Variants in MAOB observed in about 807,000 individuals in gnomAD.
MAOB encodes monoamine oxidase B, also known as amine oxidase [flavin-containing] B.
Under a neutral mutation model 41.9 loss-of-function variants are expected in MAOB, and 15 were observed. The ratio of observed to expected loss-of-function variants is 0.36; its 90% confidence interval spans 0.24 to 0.55. The LOEUF is 0.55. MAOB is among the 20% of genes least tolerant of loss of function. The pLI is 0.86. For missense variants in MAOB, 345 were observed against 398.7 expected (o/e 0.87, Z 1.15); for synonymous variants, 167 against 144.2 (o/e 1.16, Z -1.13).
chrX:43,821,320 C>T (rs1457412544), intron 3 of MAOB, among the ~76,000 whole-genome samples: 1 of 111,168 alleles, frequency 9.0e-6, no homozygotes, highest in African/African-American at 3.3e-5. Context: ...CGTTTAATTG[C>T]ATTTTCTAGC....
At chrX:43,853,961 T>C (rs186233889) in intron 1 of MAOB, among the ~76,000 whole-genome samples, 1 of 112,721 alleles carries the variant, frequency 8.9e-6, no homozygotes, top group African/African-American at 3.2e-5. Flanking sequence ...CCAACTAATA[T>C]ACATGGGAAA....
At chrX:43,836,114 A>G (rs1052505854) in intron 3 of MAOB, among the ~76,000 whole-genome samples, 4 of 111,984 alleles carry the variant, frequency 3.6e-5, no homozygotes, top group African/African-American at 1.3e-4. Flanking sequence ...GACAGTAGTT[A>G]TTAAAATAGG....
chrX:43,847,135 G>A (rs1233763571), intron 1 of MAOB, among the ~76,000 whole-genome samples: 1 of 111,917 alleles, frequency 8.9e-6, no homozygotes, highest in Middle Eastern at 4.2e-3. Context: ...CCTGAGGTCA[G>A]GAGTTCAAGA....
intron 1 of MAOB, among the ~76,000 whole-genome samples, chrX:43,856,635 TATATGTA>T (rs1402721455): frequency 8.9e-6 from 1 of 111,792 alleles, no homozygotes; most frequent in Non-Finnish European, 1.9e-5. Flanking sequence ...CTTTGTATGA[TATATGTA>T]TTATATACTG....
intron 2 of MAOB, 55 bp from the exon 3 acceptor site, chrX:43,839,060 C>G: frequency 1.1e-6 from 1 of 913,954 alleles, no homozygotes. Context: ...TATAAAATAA[C>G]AAAAGACAGT....
intron 3 of MAOB, among the ~76,000 whole-genome samples, chrX:43,810,242 CAAAAAAAAA>C (rs143045804): frequency 8.0e-5 from 3 of 37,683 alleles, no homozygotes; most frequent in African/African-American, 1.5e-4. Context: ...GACTCTGTCT[CAAAAAAAAA>C]AAAAAAAAAA....
At chrX:43,848,617 A>G (rs971098847) in intron 1 of MAOB, among the ~76,000 whole-genome samples, 12 of 111,652 alleles carry the variant, frequency 1.1e-4, no homozygotes, top group Non-Finnish European at 2.1e-4. Context: ...CAGTGGCGCA[A>G]TCTTGGCTCA....
At chrX:43,822,380 C>T (rs1338886594) in intron 3 of MAOB, among the ~76,000 whole-genome samples, 3 of 112,090 alleles carry the variant, frequency 2.7e-5, no homozygotes, top group Non-Finnish European at 5.6e-5. Context: ...ACATTAATCC[C>T]TAGTGTAGAA....
chrX:43,861,354 G>T (rs771677586), intron 1 of MAOB, among the ~76,000 whole-genome samples: 6 of 112,676 alleles, frequency 5.3e-5, no homozygotes, highest in African/African-American at 1.9e-4. Context: ...TATCAAAAAC[G>T]TATTTTAATG....
At chrX:43,867,633 T>C (rs1285964067) in intron 1 of MAOB, among the ~76,000 whole-genome samples, 7 of 112,365 alleles carry the variant, frequency 6.2e-5, no homozygotes, top group African/African-American at 2.3e-4. Flanking sequence ...GACCACCTTA[T>C]AGGAACGCTG....
chrX:43,878,037 C>T (rs1462564386), intron 1 of MAOB, among the ~76,000 whole-genome samples: 1 of 111,996 alleles, frequency 8.9e-6, no homozygotes, highest in African/African-American at 3.2e-5. Context: ...ACCTATAAGC[C>T]AAAGCCGAAG....
At chrX:43,804,182 C>A (rs2034633610) in intron 3 of MAOB, among the ~76,000 whole-genome samples, 1 of 111,626 alleles carries the variant, frequency 9.0e-6, no homozygotes, top group African/African-American at 3.3e-5. Flanking sequence ...TAGCATCTTT[C>A]AACGGAATCA....
intron 1 of MAOB, chrX:43,844,073 C>T: frequency 6.4e-6 from 2 of 310,986 alleles, no homozygotes; most frequent in East Asian, 1.1e-4. Flanking sequence ...AGGCCATGCT[C>T]AAGAGAAATA....
rs775242148 is a variant in MAOB at position 43,820,359 on chromosome X, C to G, written c.280-16955G>C. Among the ~76,000 whole-genome samples the G allele has an allele frequency of 5.4e-5, 6 of 111,727 alleles. No homozygotes were observed. In the South Asian group the frequency reaches 2.2e-3, roughly 42 times the overall value. ...ACAGACAAAAATATTTAAAAAAGTG[C>G]TTGTTTAAATAGCTGTTATTAAAGA... On this transcript the variant is annotated intron_variant, in intron 3 of 14. Coordinates refer to ENST00000378069, the MANE Select transcript of MAOB (RefSeq NM_000898.5).
At chrX:43,769,997 G>T (rs1014271462) in intron 12 of MAOB, among the ~76,000 whole-genome samples, 4 of 111,453 alleles carry the variant, frequency 3.6e-5, no homozygotes, top group African/African-American at 1.3e-4. Context: ...CCATTTTGCA[G>T]ATAAGAATAT....
rs2034623857 is a variant in MAOB at position 43,803,488 on chromosome X, A to G, written c.280-84T>C. On this transcript the variant is annotated intron_variant, in intron 3 of 14. Transcript: ENST00000378069. ...TCTGCCAAATTGGTAAATGTCTGCA[A>G]GCAAAATTATGTGAGTTATCAATAT... 1.1e-5 allele frequency: 12 copies of G among 1,099,175 alleles called. No individual in the cohort carries two copies. In the South Asian group the frequency reaches 2.7e-4, roughly 24 times the overall value. 90.6% of individuals were successfully genotyped at this position (1,099,175 alleles called of 1,213,427 possible).
chrX:43,785,080 G>A (rs141892222), intron 8 of MAOB, among the ~76,000 whole-genome samples: 198 of 112,946 alleles, frequency 1.8e-3, no homozygotes, highest in African/African-American at 6.1e-3. Context: ...CCAGGGAGCC[G>A]GAAGTTGCCG....
At chrX:43,835,669 A>G (rs1468597835) in intron 3 of MAOB, among the ~76,000 whole-genome samples, 5 of 111,967 alleles carry the variant, frequency 4.5e-5, no homozygotes, top group Admixed American at 9.5e-5. Context: ...AAAGATGCCT[A>G]TTATGGAGCT....
chrX:43,784,869 C>A (rs917058063), intron 8 of MAOB, among the ~76,000 whole-genome samples: 1 of 112,227 alleles, frequency 8.9e-6, no homozygotes, highest in Non-Finnish European at 1.9e-5. Flanking sequence ...TGTTTCCGGT[C>A]GGGTGTGGTG....
Sources: allele counts gnomAD v4.1 joint callset (sites outside exome capture counted in the v4.1 genomes callset), GRCh38; gene constraint gnomAD v4.1.1; transcripts MANE v1.5; gene names NCBI Gene and HGNC (gene_info 2026-07-23, HGNC 2026-07-21).